MADD: variants seen among roughly 807,000 people sequenced by gnomAD.
MADD encodes MAP kinase-activating death domain protein.
In MADD, 109 loss-of-function variants were observed where a neutral mutation model predicts 176.7. The ratio of observed to expected loss-of-function variants is 0.62; its 90% confidence interval spans 0.53 to 0.72. MADD has a LOEUF of 0.72. MADD is among the 30% of genes least tolerant of loss of function. The probability of loss-of-function intolerance (pLI) is 0.00; values close to 1 mark genes in which losing one functional copy is unlikely to be tolerated. For missense variants in MADD, 1,914 were observed against 2,045.5 expected (o/e 0.94, Z 1.24); for synonymous variants, 771 against 771.3 (o/e 1.00, Z 0.01).
chr11:47,308,777 A>C (rs1450451313), intron 23 of MADD, 78 bp downstream of exon 25: 2 of 1,245,150 alleles, frequency 1.6e-6, no homozygotes, highest in African/African-American at 3.0e-5. Flanking sequence ...CTGAACAAGT[A>C]GCTGGTTGTC....
rs1346372207 is a variant in MADD, at chr11:47,309,588, C to T, written c.3954C>T (p.Leu1318=). 6 of 1,613,946 alleles carry T rather than the reference C, an allele frequency of 3.7e-6. No individual in the cohort carries two copies. The Admixed American group carries it at 1.0e-4, about 27-fold the overall frequency. Residue 1318 remains leucine (L), a synonymous_variant, in exon 25 of 33, where the codon CTC becomes CTT. Transcript: ENST00000402192. ...TGTTGGCCACACTTCTGCACAACCT[C>T]ATCTCCTACATGCTGCTGATGAAGG...
chr11:47,276,740 A>G (rs1163305619), exon 5 of MADD: 28 of 1,614,056 alleles, frequency 1.7e-5, no homozygotes, highest in Non-Finnish European at 2.2e-5. Flanking sequence ...AGGTGGTGCT[A>G]CAGTCCCGAG....
At chr11:47,287,765 T>C (rs2061760859) in intron 15 of MADD, among the ~76,000 whole-genome samples, 1 of 147,892 alleles carries the variant, frequency 6.8e-6, no homozygotes, top group Non-Finnish European at 1.5e-5. Context: ...TGGTAGGAAG[T>C]GCAGTGAGAA....
At chr11:47,292,972 CTG>C (rs1183483759) in intron 19 of MADD, among the ~76,000 whole-genome samples, 1 of 152,166 alleles carries the variant, frequency 6.6e-6, no homozygotes, top group African/African-American at 2.4e-5. Context: ...CATGTTGAGT[CTG>C]TAGCTGCCCC....
intron 21 of MADD, 21 bp from the exon 24 acceptor site, chr11:47,295,876 A>C: frequency 6.2e-7 from 1 of 1,605,512 alleles, no homozygotes; most frequent in Non-Finnish European, 8.5e-7. Context: ...ACTGTCTCTT[A>C]CTACCTTTTT....
rs2095260788 is a variant in MADD, at chr11:47,325,021, G to C, written c.4542+444G>C. ...CTTGCGTGTGCGTGCGTGCGTGCCT[G>C]CGTGCTTGTGTGTAAGTAGCTTGTA... On this transcript the variant is annotated intron_variant, in intron 30 of 32. Transcript: ENST00000402192. The surrounding 1 kb of genome is among the most constrained non-coding windows in gnomAD (Gnocchi z 4.5). The C allele has an allele frequency of 1.9e-6, 1 of 520,488 alleles. No homozygotes were observed. Among genetic ancestry groups the C allele is most frequent in the Non-Finnish European group, 3.5e-6 (1 of 289,754 alleles). 32.2% of individuals were successfully genotyped at this position (520,488 alleles called of 1,614,324 possible). A position where few individuals can be genotyped will look rare whatever the true frequency, so the allele number is the denominator to read the frequency against.
chr11:47,296,663 C>A (rs1384749498), intron 22 of MADD, among the ~76,000 whole-genome samples: 2 of 151,536 alleles, frequency 1.3e-5, no homozygotes, highest in Admixed American at 6.6e-5. Flanking sequence ...GGAACAATGC[C>A]TTAGGAAAAA....
intron 16 of MADD, among the ~76,000 whole-genome samples, 176 bp from the exon 18 acceptor site, chr11:47,289,691 C>T (rs751473147): frequency 2.0e-5 from 3 of 152,126 alleles, no homozygotes; most frequent in Non-Finnish European, 4.4e-5. Flanking sequence ...TAATCAGCAG[C>T]GGTGGGTATT....
chr11:47,295,643 GC>G, intron 21 of MADD, 64 bp downstream of exon 23: 1 of 1,608,264 alleles, frequency 6.2e-7, no homozygotes, highest in Non-Finnish European at 8.5e-7. Context: ...GGAAAAGGGT[GC>G]TACTTTCTCT....
At chr11:47,288,122 AGTG>A (rs2138134387) in intron 15 of MADD, among the ~76,000 whole-genome samples, 1 of 152,204 alleles carries the variant, frequency 6.6e-6, no homozygotes, top group East Asian at 1.9e-4. Context: ...TCTCATTCCT[AGTG>A]GTAAAAAATG....
chr11:47,319,923 G>A (rs1456672612), intron 27 of MADD, among the ~76,000 whole-genome samples: 6 of 149,444 alleles, frequency 4.0e-5, no homozygotes, highest in East Asian at 2.0e-4. Flanking sequence ...ACCCGGAGGC[G>A]GAGGTTGCAG....
intron 22 of MADD, among the ~76,000 whole-genome samples, chr11:47,297,791 T>TC (rs1555062708): frequency 7.6e-6 from 1 of 131,788 alleles, no homozygotes; most frequent in African/African-American, 2.7e-5. Context: ...CTTTCTTTCT[T>TC]TTTTTTTTTT....
intron 7 of MADD, among the ~76,000 whole-genome samples, chr11:47,280,219 G>A (rs2055117607): frequency 6.6e-6 from 1 of 152,180 alleles, no homozygotes; most frequent in South Asian, 2.1e-4. Flanking sequence ...GTGTTGTACA[G>A]GAACACCAGT....
At chr11:47,289,014 C>G in intron 15 of MADD, 1 of 1,593,196 alleles carries the variant, frequency 6.3e-7, no homozygotes, top group Non-Finnish European at 8.5e-7. Context: ...AAGCCGGCCC[C>G]GGGAGTGGTG....
At chr11:47,278,267 G>T in exon 6 of MADD, 1 of 1,612,632 alleles carries the variant, frequency 6.2e-7, no homozygotes, top group Non-Finnish European at 8.5e-7. Context: ...AGTGGATCTG[G>T]ACAGCAATAG....
At position 47,324,254 on chromosome 11, in the gene MADD, C is replaced by T; in HGVS notation, c.4363-11C>T. 5 of 1,613,594 alleles carry T rather than the reference C, an allele frequency of 3.1e-6. No individual in the cohort carries two copies. In the South Asian group the frequency reaches 4.4e-5, roughly 14 times the overall value. On this transcript the variant is annotated splice_polypyrimidine_tract_variant and intron_variant, in intron 28 of 32. Transcript: ENST00000402192. ...CCCTCATGATGGGACCACTCTCCCC[C>T]TGTGCCACAGTGTCGGGAGCTGTAC...
intron 19 of MADD, among the ~76,000 whole-genome samples, chr11:47,293,638 G>A (rs561047157): frequency 2.5e-4 from 38 of 152,250 alleles, no homozygotes; most frequent in African/African-American, 8.4e-4. Flanking sequence ...GATTTGCTCA[G>A]AATTTTCTCA....
chr11:47,291,689 T>C (rs1467310830), intron 19 of MADD, among the ~76,000 whole-genome samples: 1 of 152,138 alleles, frequency 6.6e-6, no homozygotes, highest in Admixed American at 6.6e-5. Context: ...TTGTAGAAAA[T>C]GTACTGACCT....
At chr11:47,277,178 A>C (rs1029617352) in intron 5 of MADD, among the ~76,000 whole-genome samples, 2 of 152,252 alleles carry the variant, frequency 1.3e-5, no homozygotes, top group African/African-American at 2.4e-5. Flanking sequence ...GCCTCAAACC[A>C]CAGATAGTTC....
Sources: gnomAD v4.1 joint callset for allele counts (sites outside exome capture counted in the v4.1 genomes callset) on GRCh38, gnomAD v4.1.1 for gene constraint, Gnocchi (gnomAD v3.1) non-coding constraint, MANE v1.5 for transcripts, NCBI Gene and HGNC (gene_info 2026-07-23, HGNC 2026-07-21) for gene names.